Variants in GSTM5 observed in about 807,000 individuals in gnomAD.
GSTM5 encodes glutathione S-transferase mu 5.
A neutral mutation model predicts 29.0 loss-of-function variants in GSTM5; 24 were observed. The ratio of observed to expected loss-of-function variants is 0.83; its 90% CI spans 0.60 to 1.16. The LOEUF is 1.16. Among genes scored for constraint, GSTM5 ranks in the 50% most tolerant of loss-of-function variants. The pLI, the probability that GSTM5 is intolerant of heterozygous loss-of-function variation, is 0.00. For missense variants in GSTM5, 290 were observed against 263.0 expected (o/e 1.10, Z -0.71); for synonymous variants, 91 against 93.6 (o/e 0.97, Z 0.16).
rs1276733007 is a variant in GSTM5, at chr1:109,712,692, C to A, written c.111C>A (p.Asp37Glu). Residue 37 changes from aspartate to glutamate, a missense_variant and splice_region_variant, in exon 2 of 8, where the codon GAC becomes GAA. By Grantham distance (45) the Asp-to-Glu change is conservative. Coordinates refer to ENST00000256593, the MANE Select transcript of GSTM5 (RefSeq NM_000851.4). Reference protein sequence around the residue: ...SYVEKKYTLGDAPDYDRSQWL... With the variant: ...SYVEKKYTLGEAPDYDRSQWL... The stretch of plus-strand genomic sequence containing the variant: ...TGGAAAAGAAGTACACGCTGGGGGA[C>A]GGTAATGGCACCCTCGTGTCCGGGC... 1 of 1,614,048 alleles carries A rather than the reference C, an allele frequency of 6.2e-7. No individual in the cohort carries two copies. The highest frequency in any genetic ancestry group is 1.3e-5 in the African/African-American group (1 of 75,046).
intron 5 of GSTM5, 175 bp from the exon 6 acceptor site, chr1:109,714,772 C>T: frequency 1.5e-6 from 1 of 659,824 alleles, no homozygotes; most frequent in Non-Finnish European, 2.7e-6. Flanking sequence ...GGCACCCAGT[C>T]AGAGTCTAAT....
chr1:109,714,876 C>A, intron 5 of GSTM5, 71 bp from the exon 6 acceptor site: 1 of 1,485,038 alleles, frequency 6.7e-7, no homozygotes, highest in Non-Finnish European at 9.4e-7. Flanking sequence ...GGGCCATCTA[C>A]AGCCCTGGGG....
In GSTM5 at chr1:109,713,157, T is replaced by G. The variant is rs765138941; in HGVS notation, c.151T>G (p.Phe51Val). 11 of 1,612,464 alleles carry G rather than the reference T, an allele frequency of 6.8e-6. No individual in the cohort carries two copies. The highest frequency in any genetic ancestry group is 9.3e-6 in the Non-Finnish European group (11 of 1,179,854). The part of the protein sequence containing the change: ...YDRSQWLNEK[F>V]KLGLDFPNLP... ...CAGAAGCCAGTGGCTGAATGAAAAA[T>G]TCAAGCTGGGCCTGGACTTTCCCAA... Residue 51 changes from phenylalanine (F) to valine (V), a missense_variant, in exon 3 of 8, where the codon TTC becomes GTC. Physicochemically the swap from Phe to Val is conservative, Grantham distance 50. Coordinates refer to ENST00000256593, the MANE Select transcript of GSTM5 (RefSeq NM_000851.4).
At chr1:109,715,592 C>T (rs1648717845) in intron 7 of GSTM5, 1 of 1,147,576 alleles carries the variant, frequency 8.7e-7, no homozygotes, top group Non-Finnish European at 1.2e-6. Context: ...AAAGGAGAAG[C>T]CTCAGGCCTC....
At chr1:109,716,937 G>C (rs1041497000) in intron 7 of GSTM5, 1 of 158,076 alleles carries the variant, frequency 6.3e-6, no homozygotes, top group African/African-American at 2.4e-5. Context: ...ACAGAACCAG[G>C]CTATATTCCA....
chr1:109,712,460 G>A (rs552137874), intron 1 of GSTM5, 112 bp downstream of exon 1: 12 of 1,357,276 alleles, frequency 8.8e-6, no homozygotes, highest in Admixed American at 3.4e-5. Flanking sequence ...CGCCTCAGAA[G>A]GGCCTGTGCA....
intron 7 of GSTM5, chr1:109,717,128 T>TC: frequency 5.5e-6 from 2 of 364,752 alleles, no homozygotes; most frequent in South Asian, 1.1e-4. Flanking sequence ...TCGTAAATGG[T>TC]AGCTGTTATT....
At chr1:109,715,297 G>A in intron 7 of GSTM5, 57 bp downstream of exon 7, 16 of 1,614,136 alleles carry the variant, frequency 9.9e-6, no homozygotes, top group Non-Finnish European at 1.3e-5. Context: ...TCTCCTTTCA[G>A]ATGCTTTCCC....
upstream of GSTM5, among the ~76,000 whole-genome samples, chr1:109,712,019 T>A (rs17024723): frequency 1.4e-3 from 219 of 152,196 alleles, 4 homozygotes; most frequent in East Asian, 0.036. Context: ...AAGGGCTGGA[T>A]GGACTCATGG....
Position 109,712,683 on chromosome 1 carries a change from G to T in GSTM5, c.102G>T (p.Thr34=), listed in dbSNP as rs779939400. The change falls in exon 2 of 8, where the codon ACG becomes ACT. Residue 34 remains threonine, a synonymous_variant. Transcript: ENST00000256593. The part of the protein sequence containing the change: ...TDSSYVEKKY[T]LGDAPDYDRS... ...CAAGCTATGTGGAAAAGAAGTACAC[G>T]CTGGGGGACGGTAATGGCACCCTCG... 155 of 1,614,016 alleles carry T rather than the reference G, an allele frequency of 9.6e-5. No homozygotes were observed. The highest frequency in any genetic ancestry group is 1.2e-4 in the Non-Finnish European group (142 of 1,180,006).
At chr1:109,715,279 T>A (rs1162425307) in intron 7 of GSTM5, 39 bp downstream of exon 7, 1 of 1,614,218 alleles carries the variant, frequency 6.2e-7, no homozygotes. Flanking sequence ...ATGCCCCTTG[T>A]TCCTTTCTCT....
chr1:109,715,704 G>C, intron 7 of GSTM5: 2 of 466,168 alleles, frequency 4.3e-6, no homozygotes, highest in South Asian at 4.5e-5. Flanking sequence ...CAGTGGCATT[G>C]ATGTTGAGTA....
Position 109,713,614 on chromosome 1 carries a change from G to C in GSTM5, c.260-47G>C. 5 of 1,614,200 alleles carry C rather than the reference G, an allele frequency of 3.1e-6. 1 individual carries two copies. In the South Asian group the frequency reaches 5.5e-5, roughly 18 times the overall value. On this transcript the variant is annotated intron_variant, in intron 4 of 7. Coordinates refer to ENST00000256593, the MANE Select transcript of GSTM5 (RefSeq NM_000851.4). ...GCGGGGGGAAGGTGACCTCCTCCTT[G>C]GCTGGGCTGTGATGCTGAGATTGAG...
chr1:109,716,569 G>C (rs1297157664), intron 7 of GSTM5: 1 of 152,710 alleles, frequency 6.5e-6, no homozygotes, highest in East Asian at 1.9e-4. Flanking sequence ...GGGGGCACAG[G>C]GACATAGGGA....
rs144839885 is a variant in GSTM5, at chr1:109,713,540, C to G, written c.234C>G (p.Arg78=). Residue 78 remains arginine (R), a synonymous_variant, in exon 4 of 8, where the codon CGC becomes CGG. Transcript: ENST00000256593. The part of the protein sequence containing the change: ...HKITQSNAIL[R]YIARKHNLCG... ...TCACCCAGAGCAATGCCATCCTGCG[C>G]TACATTGCCCGCAAGCACAACCTGT... The G allele has an allele frequency of 6.0e-3, 9,627 of 1,613,106 alleles. 81 individuals are homozygous for G. The highest frequency in any genetic ancestry group is 0.023 in the South Asian group (2,074 of 91,054).
At chr1:109,714,478 C>T in intron 5 of GSTM5, 1 of 188,944 alleles carries the variant, frequency 5.3e-6, no homozygotes, top group Non-Finnish European at 1.1e-5. Context: ...TCAGAGGCAG[C>T]CAGAGGGCCT....
At chr1:109,714,635 G>A in intron 5 of GSTM5, 2 of 418,640 alleles carry the variant, frequency 4.8e-6, no homozygotes, top group Non-Finnish European at 8.7e-6. Context: ...CCTTGATTCT[G>A]CCCCTGTCTG....
At chr1:109,717,233 T>C (rs754200613) in intron 7 of GSTM5, 104 bp from the exon 8 acceptor site, 127 of 802,566 alleles carry the variant, frequency 1.6e-4, no homozygotes, top group Non-Finnish European at 2.5e-4. Context: ...TGAGCCCACA[T>C]GGAAAGGCTG....
Position 109,715,004 on chromosome 1 carries a change from G to T in GSTM5, c.418G>T (p.Glu140Ter). ...ELPEKLKLYSEFLGKRPWFAG... is the reference protein window; with the variant it reads ...ELPEKLKLYS ...CCCTGAAAAGCTAAAGCTCTACTCAGAGTTTCTGGGGAAGCGGCCATGGTT... is the reference window on the plus strand; with the variant it reads ...CCCTGAAAAGCTAAAGCTCTACTCATAGTTTCTGGGGAAGCGGCCATGGTT... The change falls in exon 6 of 8, where the codon GAG becomes TAG. Residue 140 changes from glutamate (E) to a stop codon, truncating the protein, a stop_gained. Transcript: ENST00000256593. LOFTEE classifies it high-confidence loss of function. The T allele has an allele frequency of 6.2e-7, 1 of 1,614,264 alleles. No individual in the cohort carries two copies.
Sources: gnomAD v4.1 joint callset for allele counts (sites outside exome capture counted in the v4.1 genomes callset) on GRCh38, gnomAD v4.1.1 for gene constraint, MANE v1.5 for transcripts, NCBI Gene and HGNC (gene_info 2026-07-23, HGNC 2026-07-21) for gene names.